Variants in MRPS7 observed in about 807,000 individuals in gnomAD.
The protein encoded by MRPS7 is small ribosomal subunit protein uS7m.
A neutral mutation model predicts 26.2 loss-of-function variants in MRPS7; 13 were observed. The ratio of observed to expected loss-of-function variants is 0.50; its 90% CI spans 0.32 to 0.79. The LOEUF (loss-of-function observed/expected upper bound fraction) is 0.79. MRPS7 is among the 30% of genes least tolerant of loss of function. The pLI, the probability that MRPS7 is intolerant of heterozygous loss-of-function variation, is 0.03. For missense variants in MRPS7, 318 were observed against 312.2 expected, an observed-to-expected ratio of 1.02 and a Z score of -0.14; for synonymous variants, 129 against 113.3, an observed-to-expected ratio of 1.14 and a Z score of -0.88.
chr17:75,263,685 G>A (rs750866080), intron 4 of MRPS7, 178 bp downstream of exon 4: 4 of 797,694 alleles, frequency 5.0e-6, no homozygotes, highest in Non-Finnish European at 7.9e-6. Flanking sequence ...TTAAGAGACA[G>A]CAGGGCAACA....
chr17:75,264,854 A>AT (rs1164245143), intron 4 of MRPS7, among the ~76,000 whole-genome samples: 2 of 149,528 alleles, frequency 1.3e-5, no homozygotes, highest in South Asian at 4.3e-4. Context: ...TGCCCAGCTA[A>AT]TTTTTTTGTA....
Position 75,265,876 on chromosome 17 carries a change from A to G in MRPS7, c.682A>G (p.Lys228Glu), listed in dbSNP as rs2077474699. Residue 228 changes from lysine (K) to glutamate (E), a missense_variant, in exon 5 of 5, where the codon AAG becomes GAG. By Grantham distance (56) the Lys-to-Glu change is moderately conservative (BLOSUM62 1). Transcript: ENST00000245539. Reference sequence around the variant, plus strand: ...GATCAAGAGGAAGCATGACTTGCACAAGATGGCAGAGGCCAACCGTGCCCT... The same window carrying G: ...GATCAAGAGGAAGCATGACTTGCACGAGATGGCAGAGGCCAACCGTGCCCT... Reference protein sequence around the residue: ...PVIKRKHDLHKMAEANRALAH... With the variant: ...PVIKRKHDLHEMAEANRALAH... The G allele has an allele frequency of 3.7e-6, 6 of 1,614,084 alleles. No homozygotes were observed. The highest frequency in any genetic ancestry group is 1.6e-4 in the Middle Eastern group (1 of 6,062).
rs1394530102 is a variant in MRPS7 at position 75,266,077 on chromosome 17, CCTT to C, written c.*158_*160del. The C allele has an allele frequency of 1.0e-5, 7 of 670,666 alleles. No homozygotes were observed. Among genetic ancestry groups the C allele is most frequent in the African/African-American group, 3.6e-5 (2 of 55,308 alleles). The allele number at this position is 670,666 out of a possible 1,614,324, so 41.5% of individuals were successfully genotyped here. A position where few individuals can be genotyped will look rare whatever the true frequency, so the allele number is the denominator to read the frequency against. ...AGCAGCATATTCACTATCCGTTAAT[CCTT>C]CTTTCTTTGAGGCTGGAACTTGCTC... On this transcript the variant is annotated 3_prime_UTR_variant, in exon 5 of 5. Coordinates refer to ENST00000245539, the MANE Select transcript of MRPS7 (RefSeq NM_015971.4).
At chr17:75,265,571 C>A in intron 4 of MRPS7, 131 bp from the exon 5 acceptor site, 1 of 734,490 alleles carries the variant, frequency 1.4e-6, no homozygotes. Context: ...AAAAGACAGG[C>A]CCTTCTCCCC....
chr17:75,262,251 A>G, intron 1 of MRPS7: 2 of 634,998 alleles, frequency 3.1e-6, no homozygotes, highest in South Asian at 3.9e-5. Context: ...GTGAATTGGG[A>G]TGGGTGTGTA....
intron 1 of MRPS7, 166 bp from the exon 2 acceptor site, chr17:75,262,331 C>G: frequency 1.3e-6 from 1 of 783,946 alleles, no homozygotes. Context: ...TGGGGAATGT[C>G]CTCCTACTTG....
intron 4 of MRPS7, among the ~76,000 whole-genome samples, chr17:75,264,706 T>C (rs1325948024): frequency 6.6e-6 from 1 of 151,602 alleles, no homozygotes; most frequent in Non-Finnish European, 1.5e-5. Flanking sequence ...GAGTTTCGCT[T>C]TTGTTGCCCA....
rs2077479112 is a variant in MRPS7 at position 75,266,166 on chromosome 17, A to G, written c.*243A>G. On this transcript the variant is annotated 3_prime_UTR_variant, in exon 5 of 5. Coordinates refer to ENST00000245539, the MANE Select transcript of MRPS7 (RefSeq NM_015971.4). ...TTGACTTGGGAATTTCCTCCAGGAA[A>G]CTCAGGGCTGTTTTCTCTTCCCTTA... 1 of 546,678 alleles carries G rather than the reference A, an allele frequency of 1.8e-6. No homozygotes were observed. The highest frequency in any genetic ancestry group is 3.3e-6 in the Non-Finnish European group (1 of 305,638). 33.9% of individuals were successfully genotyped at this position (546,678 alleles called of 1,614,324 possible).
rs1234331303 is a variant in MRPS7 at position 75,262,559 on chromosome 17, A to T, written c.146A>T (p.Glu49Val). The T allele has an allele frequency of 1.9e-6, 3 of 1,614,052 alleles. No homozygotes were observed. In the African/African-American group the frequency reaches 4.0e-5, roughly 22 times the overall value. Residue 49 changes from glutamate to valine, a missense_variant, in exon 2 of 5, where the codon GAA (glutamate) becomes GTA (valine). Physicochemically the swap from Glu to Val is moderately radical, Grantham distance 121. Transcript: ENST00000245539. ...TTCAAGGATCCCTTGATTGACAAGG[A>T]ATATTATCGCAAGCCAGTGGAGGAG... ...PEFKDPLIDKEYYRKPVEELT... is the reference protein window; with the variant it reads ...PEFKDPLIDKVYYRKPVEELT...
Position 75,266,248 on chromosome 17 carries a change from TATTAGAAAATTCTCA to T in MRPS7, c.*326_*340del, listed in dbSNP as rs2077481299. The T allele has an allele frequency of 1.0e-5, 4 of 399,818 alleles. No homozygotes were observed. The highest frequency in any genetic ancestry group is 1.8e-5 in the Non-Finnish European group (4 of 217,252). The allele number at this position is 399,818 out of a possible 1,614,324, so 24.8% of individuals were successfully genotyped here. On this transcript the variant is annotated 3_prime_UTR_variant, in exon 5 of 5. Coordinates refer to ENST00000245539, the MANE Select transcript of MRPS7 (RefSeq NM_015971.4). ...AGCAGTTTTAGTATCAGAAAAGATT[TATTAGAAAATTCTCA>T]CGCTGAACTGGTGTAGCATGTGGTG...
chr17:75,262,190 C>A, intron 1 of MRPS7: 1 of 685,930 alleles, frequency 1.5e-6, no homozygotes, highest in Non-Finnish European at 2.4e-6. Flanking sequence ...AGGGTTCTAA[C>A]GCGGAGCTGA....
chr17:75,264,246 G>C (rs1275799491), intron 4 of MRPS7: 4 of 151,964 alleles, frequency 2.6e-5, no homozygotes, highest in African/African-American at 9.7e-5. Context: ...AAAATTATAG[G>C]CAGAAGGTGG....
At chr17:75,265,101 G>A (rs1340809861) in intron 4 of MRPS7, among the ~76,000 whole-genome samples, 1 of 152,028 alleles carries the variant, frequency 6.6e-6, no homozygotes, top group African/African-American at 2.4e-5. Flanking sequence ...GAGTGCAGTG[G>A]TGCATTCTTG....
chr17:75,264,812 C>T (rs926642725), intron 4 of MRPS7, among the ~76,000 whole-genome samples: 3 of 151,816 alleles, frequency 2.0e-5, no homozygotes, highest in Admixed American at 6.6e-5. Context: ...CTGCCCACCC[C>T]AAGTAGCTGG....
chr17:75,263,424 T>G lies in MRPS7; in HGVS notation c.424T>G (p.Tyr142Asp), dbSNP rs1324082427. Residue 142 changes from tyrosine (Y) to aspartate (D), a missense_variant, in exon 4 of 5, where the codon TAC (tyrosine) becomes GAC (aspartate). Coordinates refer to ENST00000245539, the MANE Select transcript of MRPS7 (RefSeq NM_015971.4). ...ACAGGCAACCATCGAACGCAACCCC[T>G]ACACCATCTTCCATCAAGCACTGAA... ...EEQATIERNP[Y>D]TIFHQALKNC... 5 of 1,614,114 alleles carry G rather than the reference T, an allele frequency of 3.1e-6. No homozygotes were observed. Among genetic ancestry groups the G allele is most frequent in the Non-Finnish European group, 4.2e-6 (5 of 1,180,026 alleles).
At chr17:75,264,415 T>C (rs896219841) in intron 4 of MRPS7, 1 of 152,204 alleles carries the variant, frequency 6.6e-6, no homozygotes, top group Non-Finnish European at 1.5e-5. Flanking sequence ...GCTTGACCGA[T>C]AACTGATGCT....
In MRPS7 at chr17:75,265,773, T is replaced by A. The variant is rs1219139373; in HGVS notation, c.579T>A (p.Asp193Glu). 6.2e-7 allele frequency: 1 copy of A among 1,614,136 alleles called. No homozygotes were observed. Reference sequence around the variant, plus strand: ...AGTGGATGATCACTGAGTGCCGGGATAAAAAGCACCAGCGGACACTGATGC... The same window carrying A: ...AGTGGATGATCACTGAGTGCCGGGAAAAAAAGCACCAGCGGACACTGATGC... Reference protein sequence around the residue: ...AMKWMITECRDKKHQRTLMPE... With the variant: ...AMKWMITECREKKHQRTLMPE... The change falls in exon 5 of 5, where the codon GAT becomes GAA. Residue 193 changes from aspartate to glutamate, a missense_variant. Physicochemically the swap from Asp to Glu is conservative, Grantham distance 45 (BLOSUM62 2). Coordinates refer to ENST00000245539, the MANE Select transcript of MRPS7 (RefSeq NM_015971.4).
chr17:75,266,264 C>T lies in MRPS7; in HGVS notation c.*341C>T, dbSNP rs1026213909. The T allele has an allele frequency of 2.9e-5, 11 of 381,104 alleles. No homozygotes were observed. The highest frequency in any genetic ancestry group is 7.9e-5 in the South Asian group (3 of 38,040). The allele number at this position is 381,104 out of a possible 1,614,324, so 23.6% of individuals were successfully genotyped here. A position where few individuals can be genotyped will look rare whatever the true frequency, so the allele number is the denominator to read the frequency against. ...GAAAAGATTTATTAGAAAATTCTCA[C>T]GCTGAACTGGTGTAGCATGTGGTGC... On this transcript the variant is annotated 3_prime_UTR_variant, in exon 5 of 5. Coordinates refer to ENST00000245539, the MANE Select transcript of MRPS7 (RefSeq NM_015971.4).
In MRPS7 at chr17:75,265,732, C is replaced by G. The variant is rs374174412; in HGVS notation, c.538C>G (p.Arg180Gly). Residue 180 changes from arginine (R) to glycine (G), a missense_variant, in exon 5 of 5, where the codon CGC (arginine) becomes GGC (glycine). Physicochemically the swap from Arg to Gly is moderately radical, Grantham distance 125 (BLOSUM62 -2). Transcript: ENST00000245539. The part of the protein sequence containing the change: ...VPVPLPDRRR[R>G]FLAMKWMITE... ...TGTACCCCTACCCGACCGGCGTCGCCGCTTCCTAGCCATGAAGTGGATGAT... is the reference window on the plus strand; with the variant it reads ...TGTACCCCTACCCGACCGGCGTCGCGGCTTCCTAGCCATGAAGTGGATGAT... 2.4e-5 allele frequency: 38 copies of G among 1,614,082 alleles called. No individual in the cohort carries two copies. The South Asian group carries it at 4.1e-4, about 17-fold the overall frequency.
Sources: allele counts gnomAD v4.1 joint callset (sites outside exome capture counted in the v4.1 genomes callset), GRCh38; gene constraint gnomAD v4.1.1; transcripts MANE v1.5; gene names NCBI Gene and HGNC (gene_info 2026-07-23, HGNC 2026-07-21).